NYAP2: variants seen among roughly 807,000 people sequenced by gnomAD.
NYAP2 encodes neuronal tyrosine-phosphorylated phosphoinositide-3-kinase adapter 2.
A neutral mutation model predicts 50.4 loss-of-function variants in NYAP2; 23 were observed. The observed-to-expected ratio is 0.46, with a 90% CI of 0.33 to 0.65. The LOEUF (loss-of-function observed/expected upper bound fraction) is 0.65, where lower values mean the gene tolerates loss of function less well. NYAP2 is among the 30% of genes least tolerant of loss of function. The probability of loss-of-function intolerance (pLI) is 0.02; values close to 1 mark genes in which losing one functional copy is unlikely to be tolerated. For synonymous variants in NYAP2, 394 were observed against 365.2 expected (o/e 1.08, Z -0.90); for missense variants, 885 against 861.0 (o/e 1.03, Z -0.35).
rs563167675 is a variant in NYAP2 at position 225,578,803 on chromosome 2, T to A, written c.524-3138T>A. ...AATGTTCATCGTTCATCTGTAAAGGTCTTTTACATTAGGACTTAATAAATA... is the reference window on the plus strand; with the variant it reads ...AATGTTCATCGTTCATCTGTAAAGGACTTTTACATTAGGACTTAATAAATA... On this transcript the variant is annotated intron_variant, in intron 4 of 6. Coordinates refer to ENST00000636099, the Ensembl canonical transcript of NYAP2. Among the ~76,000 whole-genome samples, 18 of 152,234 alleles carry A rather than the reference T, an allele frequency of 1.2e-4. No homozygotes were observed. The South Asian group carries it at 3.1e-3, about 26-fold the overall frequency.
At chr2:225,549,250 T>C (rs926154831) in intron 4 of NYAP2, among the ~76,000 whole-genome samples, 5 of 152,216 alleles carry the variant, frequency 3.3e-5, no homozygotes, top group South Asian at 2.1e-4. Flanking sequence ...TCCTAGTTTA[T>C]AGATGTGCTT....
the NYAP2 span, among the ~76,000 whole-genome samples, chr2:225,677,254 T>C: frequency 1.6e-4 from 24 of 151,754 alleles, no homozygotes; most frequent in Non-Finnish European, 3.1e-4. Context: ...TTTTTGCACA[T>C]TGATTTTGTA....
chr2:225,656,571 C>A (rs1052045004), downstream of NYAP2, among the ~76,000 whole-genome samples: 5 of 152,088 alleles, frequency 3.3e-5, no homozygotes, highest in Non-Finnish European at 7.4e-5. Flanking sequence ...ATGTCAGCAC[C>A]GGCTGGCAAT....
At chr2:225,597,969 T>A (rs1692634598) in intron 5 of NYAP2, among the ~76,000 whole-genome samples, 1 of 152,140 alleles carries the variant, frequency 6.6e-6, no homozygotes, top group Non-Finnish European at 1.5e-5. Flanking sequence ...TTCAGTTAAG[T>A]TTGGGTAAAG....
chr2:225,590,783 G>A (rs925342159), intron 5 of NYAP2, among the ~76,000 whole-genome samples: 3 of 152,214 alleles, frequency 2.0e-5, no homozygotes, highest in Non-Finnish European at 2.9e-5. Flanking sequence ...GGGTAACGTA[G>A]ATTCAAAAGA....
chr2:225,593,675 C>A (rs1338513499), intron 5 of NYAP2, among the ~76,000 whole-genome samples: 2 of 152,150 alleles, frequency 1.3e-5, no homozygotes, highest in African/African-American at 2.4e-5. Context: ...AGCTACAAAC[C>A]TTTTCATCAT....
At chr2:225,643,685 T>C (rs1271536752) in intron 6 of NYAP2, among the ~76,000 whole-genome samples, 1 of 151,436 alleles carries the variant, frequency 6.6e-6, no homozygotes, top group Non-Finnish European at 1.5e-5. Flanking sequence ...TGAGTGAGAA[T>C]ATGCGGTGTT....
At position 225,629,418 on chromosome 2, in the gene NYAP2, A is replaced by G. The variant is rs984175792; in HGVS notation, c.1828+2292A>G. On this transcript the variant is annotated intron_variant, in intron 6 of 6. Coordinates refer to ENST00000636099, the Ensembl canonical transcript of NYAP2. ...CATATACACCCAGAAAAAATGTTTT[A>G]CTAGCTATCTGGGCATTCCTTAACC... is the stretch of plus-strand genomic sequence containing the variant. Among the ~76,000 whole-genome samples the G allele has an allele frequency of 5.9e-5, 9 of 152,346 alleles. 1 individual carries two copies. The South Asian group carries it at 1.9e-3, about 32-fold the overall frequency.
At chr2:225,419,845 G>A (rs532784977) in intron 3 of NYAP2, among the ~76,000 whole-genome samples, 28 of 152,280 alleles carry the variant, frequency 1.8e-4, no homozygotes, top group African/African-American at 6.7e-4. Flanking sequence ...AAGCAATACA[G>A]GGGAAGATTG....
At chr2:225,429,167 T>C (rs1695327998) in intron 3 of NYAP2, among the ~76,000 whole-genome samples, 2 of 152,118 alleles carry the variant, frequency 1.3e-5, no homozygotes, top group East Asian at 3.9e-4. Flanking sequence ...AAATAATGCG[T>C]TATTTGGCTG....
chr2:225,629,880 G>T (rs1384724359), intron 6 of NYAP2, among the ~76,000 whole-genome samples: 1 of 152,104 alleles, frequency 6.6e-6, no homozygotes, highest in Non-Finnish European at 1.5e-5. Flanking sequence ...CTGCTGCATT[G>T]GGGATGAGAT....
At chr2:225,616,415 A>T (rs1692992122) in intron 5 of NYAP2, among the ~76,000 whole-genome samples, 1 of 152,212 alleles carries the variant, frequency 6.6e-6, no homozygotes, top group Non-Finnish European at 1.5e-5. Context: ...GAATAATAGC[A>T]GTGCAACGAG....
At chr2:225,420,068 G>C (rs1223212774) in intron 3 of NYAP2, among the ~76,000 whole-genome samples, 3 of 152,202 alleles carry the variant, frequency 2.0e-5, no homozygotes, top group African/African-American at 7.2e-5. Context: ...TGGCTTCCAA[G>C]AGCGGAGAAG....
At position 225,597,037 on chromosome 2, in the gene NYAP2, T is replaced by C. The variant is rs540409302; in HGVS notation, c.1618+14002T>C. Among the ~76,000 whole-genome samples the C allele has an allele frequency of 1.4e-3, 220 of 152,208 alleles. 1 individual carries two copies. Among genetic ancestry groups the C allele is most frequent in the Non-Finnish European group, 2.4e-3 (165 of 67,988 alleles). On this transcript the variant is annotated intron_variant, in intron 5 of 6. Coordinates refer to ENST00000636099, the Ensembl canonical transcript of NYAP2. ...AAAACAACCTCCTTATAGTGGAAGA[T>C]AGAGTGGAAGGTTATGGTATTTGTA...
intron 5 of NYAP2, among the ~76,000 whole-genome samples, chr2:225,599,270 G>C (rs761713063): frequency 1.3e-5 from 2 of 152,092 alleles, no homozygotes; most frequent in Non-Finnish European, 2.9e-5. Flanking sequence ...GCGAAAGAAA[G>C]ACCTAAAAAG....
At chr2:225,477,220 AG>A (rs1318522794) in intron 3 of NYAP2, among the ~76,000 whole-genome samples, 1 of 135,938 alleles carries the variant, frequency 7.4e-6, no homozygotes, top group Non-Finnish European at 1.6e-5. Context: ...CAGGTCTGAG[AG>A]TCTCTATTTC....
At chr2:225,462,394 A>G (rs1022812794) in intron 3 of NYAP2, among the ~76,000 whole-genome samples, 1 of 151,968 alleles carries the variant, frequency 6.6e-6, no homozygotes, top group Non-Finnish European at 1.5e-5. Context: ...TCTTCCCATC[A>G]TCATTCCATC....
intron 3 of NYAP2, among the ~76,000 whole-genome samples, chr2:225,412,640 G>C (rs1018408592): frequency 6.6e-6 from 1 of 152,090 alleles, no homozygotes; most frequent in African/African-American, 2.4e-5. Flanking sequence ...GAGCAGCTGA[G>C]AATAGTAGAA....
At chr2:225,653,605 T>A (rs993583653) in exon 7 of NYAP2, 12 of 152,270 alleles carry the variant, frequency 7.9e-5, no homozygotes, top group African/African-American at 2.9e-4. Context: ...AGGCTTCTCC[T>A]CTGTGGCTTA....
Sources: gnomAD v4.1 joint callset for allele counts (sites outside exome capture counted in the v4.1 genomes callset) on GRCh38, gnomAD v4.1.1 for gene constraint, MANE v1.5 for transcripts, NCBI Gene and HGNC (gene_info 2026-07-23, HGNC 2026-07-21) for gene names.